Variants in MYLK observed in about 807,000 individuals in gnomAD.
The protein encoded by MYLK is myosin light chain kinase, smooth muscle.
In MYLK, 106 loss-of-function variants were observed where a neutral mutation model predicts 203.4. The ratio of observed to expected loss-of-function variants is 0.52; its 90% CI spans 0.45 to 0.61. The LOEUF is 0.61. Among genes scored for constraint, MYLK ranks in the 20% least tolerant of loss-of-function variants. MYLK has a pLI of 0.00. For missense variants in MYLK, 2,072 were observed against 2,442.3 expected (o/e 0.85, Z 3.20); for synonymous variants, 867 against 959.5 (o/e 0.90, Z 1.78).
intron 19 of MYLK, among the ~76,000 whole-genome samples, chr3:123,687,508 T>G (rs2060496724): frequency 6.6e-6 from 1 of 152,152 alleles, no homozygotes; most frequent in Non-Finnish European, 1.5e-5. Flanking sequence ...ACCAATGACC[T>G]CAATGTTGGC....
intron 4 of MYLK, among the ~76,000 whole-genome samples, chr3:123,775,216 G>A (rs2064028186): frequency 6.6e-6 from 1 of 152,052 alleles, no homozygotes. Context: ...TTTTTGTAGA[G>A]ACTGGGTCTT....
At chr3:123,719,212 C>A (rs2062007615) in intron 13 of MYLK, among the ~76,000 whole-genome samples, 1 of 152,230 alleles carries the variant, frequency 6.6e-6, no homozygotes, top group South Asian at 2.1e-4. Context: ...GCTGAGCTCT[C>A]AGAATAAGCT....
chr3:123,638,798 A>G, intron 28 of MYLK: 1 of 985,380 alleles, frequency 1.0e-6, no homozygotes, highest in Non-Finnish European at 1.2e-6. Flanking sequence ...AGCTACTGGT[A>G]GGGTAGTCGG....
At chr3:123,771,172 C>T (rs1010437791) in intron 4 of MYLK, among the ~76,000 whole-genome samples, 1 of 152,202 alleles carries the variant, frequency 6.6e-6, no homozygotes, top group African/African-American at 2.4e-5. Flanking sequence ...ATCTATAAAA[C>T]TATGTGGATC....
At chr3:123,713,315 C>A (rs1296303736) in intron 13 of MYLK, among the ~76,000 whole-genome samples, 2 of 152,102 alleles carry the variant, frequency 1.3e-5, no homozygotes, top group Non-Finnish European at 2.9e-5. Flanking sequence ...GTGTAGAGAC[C>A]AGGAGAGACT....
At chr3:123,773,764 G>A (rs765031248) in intron 4 of MYLK, among the ~76,000 whole-genome samples, 1 of 152,228 alleles carries the variant, frequency 6.6e-6, no homozygotes, top group Non-Finnish European at 1.5e-5. Context: ...ACAGCTGGGA[G>A]GACTTCAAAG....
chr3:123,869,482 G>T (rs2700403), intron 2 of MYLK, among the ~76,000 whole-genome samples: 1 of 152,118 alleles, frequency 6.6e-6, no homozygotes, highest in African/African-American at 2.4e-5. Context: ...TCCAGACCTA[G>T]GGTGGTCTTG....
At chr3:123,693,088 CAA>C (rs1328045648) in intron 18 of MYLK, among the ~76,000 whole-genome samples, 1 of 152,162 alleles carries the variant, frequency 6.6e-6, no homozygotes, top group Non-Finnish European at 1.5e-5. Flanking sequence ...TCCCCCACTC[CAA>C]AGAGTCCTCT....
chr3:123,627,063 C>G, intron 30 of MYLK, 122 bp from the exon 31 acceptor site: 1 of 1,108,914 alleles, frequency 9.0e-7, no homozygotes, highest in Non-Finnish European at 1.3e-6. Context: ...GCCCCTGCTC[C>G]CGGACCATCC....
chr3:123,803,072 C>T (rs917803321), intron 3 of MYLK, among the ~76,000 whole-genome samples: 18 of 152,112 alleles, frequency 1.2e-4, no homozygotes, highest in African/African-American at 3.6e-4. Flanking sequence ...CCCAGGAAAT[C>T]GACTCAGGGA....
chr3:123,717,060 A>T (rs756684303), intron 13 of MYLK, among the ~76,000 whole-genome samples: 9 of 152,202 alleles, frequency 5.9e-5, no homozygotes, highest in Non-Finnish European at 1.0e-4. Flanking sequence ...AATATATATA[A>T]AAAAGGCAAG....
At chr3:123,777,295 G>A (rs903479221) in intron 4 of MYLK, among the ~76,000 whole-genome samples, 4 of 152,368 alleles carry the variant, frequency 2.6e-5, no homozygotes, top group African/African-American at 9.6e-5. Flanking sequence ...AATGTAAGCA[G>A]AACAAATTCA....
At chr3:123,684,867 A>G (rs1238696955) in intron 19 of MYLK, among the ~76,000 whole-genome samples, 1 of 152,204 alleles carries the variant, frequency 6.6e-6, no homozygotes, top group Non-Finnish European at 1.5e-5. Context: ...AGGGCAGACT[A>G]TGTATGCAGT....
rs1553770582 is a variant in MYLK, at chr3:123,618,762, A to C, written c.5377T>G (p.Ser1793Ala). 1.2e-6 allele frequency: 2 copies of C among 1,614,092 alleles called. No individual in the cohort carries two copies. The highest frequency in any genetic ancestry group is 1.7e-6 in the Non-Finnish European group (2 of 1,179,978). The change falls in exon 33 of 34, where the codon TCC (serine) becomes GCC (alanine). Residue 1793 changes from serine to alanine, a missense_variant. Ser to Ala is a moderately conservative substitution (Grantham distance 99). Transcript: ENST00000360304. ...AEKLESEEDVSQAFLEAVAEE... is the reference protein window; with the variant it reads ...AEKLESEEDVAQAFLEAVAEE... The stretch of plus-strand genomic sequence containing the variant: ...GCAACAGCCTCAAGGAAAGCTTGGG[A>C]CACATCTTCTAGAAGACAGAGAAGA...
At chr3:123,720,426 G>A (rs999236006) in intron 13 of MYLK, among the ~76,000 whole-genome samples, 21 of 152,148 alleles carry the variant, frequency 1.4e-4, no homozygotes, top group African/African-American at 4.3e-4. Flanking sequence ...AGAAAACAGA[G>A]GGCTGAGCCA....
At chr3:123,874,563 A>G (rs72974235) in intron 2 of MYLK, among the ~76,000 whole-genome samples, 15,208 of 152,122 alleles carry the variant, frequency 0.1, 1,182 homozygotes, top group East Asian at 0.35. Flanking sequence ...AATCTTAATG[A>G]CTCCACATTA....
chr3:123,804,749 G>C (rs1266994355), intron 3 of MYLK, among the ~76,000 whole-genome samples: 1 of 152,118 alleles, frequency 6.6e-6, no homozygotes, highest in Non-Finnish European at 1.5e-5. Flanking sequence ...TCTAAATGTG[G>C]CCCCTGGTCC....
At chr3:123,854,512 T>C (rs1309205448) in intron 2 of MYLK, among the ~76,000 whole-genome samples, 1 of 152,152 alleles carries the variant, frequency 6.6e-6, no homozygotes, top group Non-Finnish European at 1.5e-5. Flanking sequence ...ATGTTTACCA[T>C]TGCCTCTTAC....
At position 123,701,426 on chromosome 3, in the gene MYLK, G is replaced by A. The variant is rs1476871783; in HGVS notation, c.2462+12C>T. ...GGCATGGCCTGGAGGGGCAGCTCCTGGGGGCACTCACCGTGGAAGGGCTCT... is the reference window on the plus strand; with the variant it reads ...GGCATGGCCTGGAGGGGCAGCTCCTAGGGGCACTCACCGTGGAAGGGCTCT... On this transcript the variant is annotated intron_variant, in intron 17 of 33. Coordinates refer to ENST00000360304, the MANE Select transcript of MYLK (RefSeq NM_053025.4). The A allele has an allele frequency of 1.2e-6, 2 of 1,613,586 alleles. No individual in the cohort carries two copies. Among genetic ancestry groups the A allele is most frequent in the Admixed American group, 1.7e-5 (1 of 59,996 alleles).
Sources: gnomAD v4.1 joint callset for allele counts (sites outside exome capture counted in the v4.1 genomes callset) on GRCh38, gnomAD v4.1.1 for gene constraint, MANE v1.5 for transcripts, NCBI Gene and HGNC (gene_info 2026-07-23, HGNC 2026-07-21) for gene names.